Variants in MBD5 observed in about 807,000 individuals in gnomAD.
The protein encoded by MBD5 is methyl-CpG binding domain protein 5, also known as methyl-CpG-binding domain protein 5.
MBD5 carries 13 observed loss-of-function variants against 117.3 expected under a neutral mutation model. The observed-to-expected ratio is 0.11, with a 90% CI of 0.07 to 0.18. The LOEUF (loss-of-function observed/expected upper bound fraction) is 0.18. Ranked by LOEUF, MBD5 falls within the 10% of genes least tolerant of loss-of-function variation. The probability of loss-of-function intolerance (pLI) is 1.00; values close to 1 mark genes in which losing one functional copy is unlikely to be tolerated. For synonymous variants in MBD5, 727 were observed against 766.4 expected, an observed-to-expected ratio of 0.95 and a Z score of 0.85; for missense variants, 1,879 against 2,093.8, an observed-to-expected ratio of 0.90 and a Z score of 2.00.
intron 1 of MBD5, among the ~76,000 whole-genome samples, chr2:148,161,215 C>G (rs546858209): frequency 2.1e-4 from 32 of 152,288 alleles, no homozygotes; most frequent in African/African-American, 7.5e-4. Flanking sequence ...CTATCTTAGG[C>G]TTAACCATCC....
chr2:148,040,478 C>T (rs1455724011), intron 1 of MBD5, among the ~76,000 whole-genome samples: 2 of 152,126 alleles, frequency 1.3e-5, no homozygotes, highest in South Asian at 4.1e-4. Flanking sequence ...AATTCTATCT[C>T]TCTGTGATCT....
intron 12 of MBD5, among the ~76,000 whole-genome samples, chr2:148,509,230 A>G (rs1574505763): frequency 6.6e-6 from 1 of 152,236 alleles, no homozygotes; most frequent in African/African-American, 2.4e-5. Context: ...TATTTATTGC[A>G]TAAAGGAGGA....
chr2:148,419,637 G>A (rs571002438), intron 4 of MBD5, among the ~76,000 whole-genome samples: 4 of 152,038 alleles, frequency 2.6e-5, no homozygotes, highest in African/African-American at 9.6e-5. Context: ...ACCTATTCCT[G>A]CACCAATACT....
intron 4 of MBD5, among the ~76,000 whole-genome samples, chr2:148,399,967 CG>C (rs1181916592): frequency 1.3e-5 from 2 of 151,952 alleles, no homozygotes; most frequent in Non-Finnish European, 2.9e-5. Flanking sequence ...TATTGATTTT[CG>C]TATGTTGAAC....
At chr2:148,440,395 G>A (rs1441091535) in intron 4 of MBD5, among the ~76,000 whole-genome samples, 1 of 152,098 alleles carries the variant, frequency 6.6e-6, no homozygotes, top group Non-Finnish European at 1.5e-5. Flanking sequence ...CTAGGCACTG[G>A]TGATATCCCC....
At chr2:148,285,057 CCTT>C (rs1448654425) in intron 3 of MBD5, among the ~76,000 whole-genome samples, 1 of 152,176 alleles carries the variant, frequency 6.6e-6, no homozygotes, top group Admixed American at 6.5e-5. Flanking sequence ...GCTGTCTGGT[CCTT>C]CTTCTCTTGA....
At chr2:148,461,488 C>T (rs1707080738) in intron 5 of MBD5, among the ~76,000 whole-genome samples, 1 of 152,028 alleles carries the variant, frequency 6.6e-6, no homozygotes, top group South Asian at 2.1e-4. Flanking sequence ...TTAAAAAATA[C>T]TACTTGTGTT....
At chr2:148,196,483 T>C (rs1344707408) in intron 2 of MBD5, among the ~76,000 whole-genome samples, 4 of 152,172 alleles carry the variant, frequency 2.6e-5, no homozygotes, top group Non-Finnish European at 5.9e-5. Flanking sequence ...CCAGAAGACA[T>C]TGGTATTAAA....
intron 1 of MBD5, among the ~76,000 whole-genome samples, chr2:148,064,947 C>T (rs567081667): frequency 6.6e-6 from 1 of 152,142 alleles, no homozygotes; most frequent in South Asian, 2.1e-4. Context: ...TTATGTATTA[C>T]AGTCACTTCC....
At chr2:148,110,604 A>G (rs1696483689) in intron 1 of MBD5, among the ~76,000 whole-genome samples, 1 of 151,774 alleles carries the variant, frequency 6.6e-6, no homozygotes, top group South Asian at 2.1e-4. Flanking sequence ...TGGCCTGGAA[A>G]TTAAGTAAAC....
chr2:148,094,426 C>T (rs1040847107), intron 1 of MBD5, among the ~76,000 whole-genome samples: 1 of 152,170 alleles, frequency 6.6e-6, no homozygotes. Context: ...ATCATTTACA[C>T]AAATTGTTCC....
At chr2:148,083,760 TG>T (rs1471100183) in intron 1 of MBD5, among the ~76,000 whole-genome samples, 1 of 152,130 alleles carries the variant, frequency 6.6e-6, no homozygotes, top group Non-Finnish European at 1.5e-5. Context: ...CCTGAGTAGC[TG>T]GGACTACAGG....
At chr2:148,446,602 C>CTATGTGTGTGTGTGTGTGTGTG (rs1553516216) in intron 4 of MBD5, among the ~76,000 whole-genome samples, 1 of 148,898 alleles carries the variant, frequency 6.7e-6, no homozygotes, top group Non-Finnish European at 1.5e-5. Flanking sequence ...GATTATTTAT[C>CTATGTGTGTGTGTGTGTGTGTG]TGTGTGTGTG....
At chr2:148,502,532 A>ACTT in intron 12 of MBD5, 23 bp downstream of exon 12, 1 of 1,606,900 alleles carries the variant, frequency 6.2e-7, no homozygotes, top group Non-Finnish European at 8.5e-7. Context: ...CCAAAATTTT[A>ACTT]CTTTGTTTTT....
intron 4 of MBD5, among the ~76,000 whole-genome samples, chr2:148,359,747 G>A (rs1449001908): frequency 4.6e-5 from 7 of 152,100 alleles, no homozygotes; most frequent in Non-Finnish European, 8.8e-5. Flanking sequence ...TTTAAATGTG[G>A]TTTTTCAATG....
intron 3 of MBD5, among the ~76,000 whole-genome samples, chr2:148,319,572 A>G (rs1359342275): frequency 9.9e-5 from 15 of 152,192 alleles, no homozygotes; most frequent in Admixed American, 9.8e-4. Context: ...ATTGGCACAT[A>G]GAAATGCTAC....
At chr2:148,207,814 A>G (rs951574277) in intron 2 of MBD5, among the ~76,000 whole-genome samples, 2 of 152,218 alleles carry the variant, frequency 1.3e-5, no homozygotes, top group Admixed American at 1.3e-4. Flanking sequence ...GATATATGGC[A>G]TGACATTAAT....
chr2:148,256,636 G>T (rs572162391), intron 3 of MBD5, among the ~76,000 whole-genome samples: 1 of 152,170 alleles, frequency 6.6e-6, no homozygotes, highest in African/African-American at 2.4e-5. Flanking sequence ...TGTCCACACC[G>T]GGTTTCAAAC....
At chr2:148,099,688 A>C (rs1696155962) in intron 1 of MBD5, among the ~76,000 whole-genome samples, 1 of 152,202 alleles carries the variant, frequency 6.6e-6, no homozygotes, top group South Asian at 2.1e-4. Flanking sequence ...AATTCATCAG[A>C]TCTGATGCCT....
Sources: allele counts gnomAD v4.1 joint callset (sites outside exome capture counted in the v4.1 genomes callset), GRCh38; gene constraint gnomAD v4.1.1; transcripts MANE v1.5; gene names NCBI Gene and HGNC (gene_info 2026-07-23, HGNC 2026-07-21).